DZIP1L: variants seen among roughly 807,000 people sequenced by gnomAD.
DZIP1L encodes the protein cilium assembly protein DZIP1L.
DZIP1L carries 90 observed loss-of-function variants against 88.7 expected under a neutral mutation model. The ratio of observed to expected loss-of-function variants is 1.02; its 90% CI spans 0.86 to 1.21. DZIP1L has a LOEUF of 1.21. Ranked by LOEUF, DZIP1L falls within the 50% of genes most tolerant of loss-of-function variation. DZIP1L has a pLI of 0.00. For synonymous variants in DZIP1L, 363 were observed against 372.1 expected, an observed-to-expected ratio of 0.98 and a Z score of 0.28; for missense variants, 932 against 955.8, an observed-to-expected ratio of 0.98 and a Z score of 0.33.
intron 5 of DZIP1L, among the ~76,000 whole-genome samples, chr3:138,091,232 A>G (rs1369758845): frequency 6.6e-6 from 1 of 152,024 alleles, no homozygotes; most frequent in Non-Finnish European, 1.5e-5. Flanking sequence ...GACCTTTGGA[A>G]ATTATAGAGC....
At chr3:138,089,861 A>T (rs1253452270) in intron 5 of DZIP1L, among the ~76,000 whole-genome samples, 1 of 152,134 alleles carries the variant, frequency 6.6e-6, no homozygotes, top group Non-Finnish European at 1.5e-5. Flanking sequence ...AAAAAAGAGT[A>T]AGATGGGCCA....
intron 8 of DZIP1L, among the ~76,000 whole-genome samples, chr3:138,083,854 C>T (rs1943791857): frequency 6.6e-6 from 1 of 152,212 alleles, no homozygotes; most frequent in Non-Finnish European, 1.5e-5. Flanking sequence ...CAGTGAGGTG[C>T]TGAGCGTTTT....
chr3:138,106,870 G>A lies in DZIP1L; in HGVS notation c.-81-2818C>T, dbSNP rs113716015. 4.8e-3 allele frequency among the ~76,000 whole-genome samples: 125 copies of A among 25,820 alleles called. 1 individual carries two copies. In the South Asian group the frequency reaches 0.064, roughly 13 times the overall value. The allele number at this position is 25,820 out of a possible 152,430, so 16.9% of individuals were successfully genotyped here. A position where few individuals can be genotyped will look rare whatever the true frequency, so the allele number is the denominator to read the frequency against. On this transcript the variant is annotated intron_variant, in intron 1 of 15. Coordinates refer to ENST00000327532, the MANE Select transcript of DZIP1L (RefSeq NM_173543.3). Reference sequence around the variant, plus strand: ...AGGACTAGGTTGGCCAAAAAAAAAAGAGAGAGAGAGAGAGAAAGAGAGAGA... The same window carrying A: ...AGGACTAGGTTGGCCAAAAAAAAAAAAGAGAGAGAGAGAGAAAGAGAGAGA...
intron 3 of DZIP1L, among the ~76,000 whole-genome samples, chr3:138,096,013 T>C (rs367439): frequency 0.63 from 96,500 of 152,066 alleles, 31,318 homozygotes; most frequent in Non-Finnish European, 0.7. Context: ...TATTTAGTGA[T>C]TACTAGATAA....
rs747129503 is a variant in DZIP1L at position 138,068,129 on chromosome 3, G to A, written c.1832+22C>T. On this transcript the variant is annotated intron_variant, in intron 13 of 15. Coordinates refer to ENST00000327532, the MANE Select transcript of DZIP1L (RefSeq NM_173543.3). ...GGAGCCACCACTGCAGGTGGGGTGA[G>A]AGGGCAGAGTCTGGGGCTCACCTCA... is the stretch of plus-strand genomic sequence containing the variant. 10 of 1,464,222 alleles carry A rather than the reference G, an allele frequency of 6.8e-6. No homozygotes were observed. In the African/African-American group the frequency reaches 1.3e-4, roughly 19 times the overall value. 90.7% of individuals were successfully genotyped at this position (1,464,222 alleles called of 1,614,324 possible).
intron 1 of DZIP1L, among the ~76,000 whole-genome samples, chr3:138,109,967 C>A (rs1215454159): frequency 1.3e-5 from 2 of 151,920 alleles, no homozygotes; most frequent in Admixed American, 1.3e-4. Context: ...GATATCCCAG[C>A]TCTCAGGGCT....
chr3:138,102,106 C>T (rs1242896813), intron 2 of DZIP1L: 19 of 1,440,730 alleles, frequency 1.3e-5, no homozygotes, highest in Admixed American at 1.2e-4. Context: ...CTGCAGTTGG[C>T]GATCTCCTTG....
chr3:138,066,490 C>T (rs549994518), intron 14 of DZIP1L, among the ~76,000 whole-genome samples: 11 of 152,286 alleles, frequency 7.2e-5, no homozygotes, highest in African/African-American at 2.4e-4. Flanking sequence ...ACTTCAAAAA[C>T]ATCATACAGA....
intron 3 of DZIP1L, among the ~76,000 whole-genome samples, chr3:138,095,273 T>C (rs1158660620): frequency 1.3e-5 from 2 of 152,144 alleles, no homozygotes; most frequent in African/African-American, 4.8e-5. Flanking sequence ...ATTACTATTG[T>C]ACTGTCACTT....
At chr3:138,066,497 C>G (rs1438098017) in intron 14 of DZIP1L, among the ~76,000 whole-genome samples, 1 of 152,182 alleles carries the variant, frequency 6.6e-6, no homozygotes, top group Non-Finnish European at 1.5e-5. Flanking sequence ...AAACATCATA[C>G]AGAATCTCAA....
chr3:138,099,846 C>T (rs571251665), intron 2 of DZIP1L, among the ~76,000 whole-genome samples: 2 of 152,310 alleles, frequency 1.3e-5, no homozygotes, highest in African/African-American at 4.8e-5. Flanking sequence ...AGTCTTGAAC[C>T]TTCCAGCCAG....
At position 138,103,460 on chromosome 3, in the gene DZIP1L, A is replaced by T; in HGVS notation, c.501+11T>A. Reference sequence around the variant, plus strand: ...CCCTCCCACTCTCCCTGCCTGGTGGAGATTCCTCACCGTGTGGTAGCTGTG... The same window carrying T: ...CCCTCCCACTCTCCCTGCCTGGTGGTGATTCCTCACCGTGTGGTAGCTGTG... On this transcript the variant is annotated intron_variant, in intron 2 of 15. Transcript: ENST00000327532. The T allele has an allele frequency of 1.9e-6, 3 of 1,585,488 alleles. No homozygotes were observed. Among genetic ancestry groups the T allele is most frequent in the Non-Finnish European group, 2.6e-6 (3 of 1,164,106 alleles).
chr3:138,088,691 G>T, intron 5 of DZIP1L, 184 bp from the exon 6 acceptor site: 3 of 1,266,590 alleles, frequency 2.4e-6, no homozygotes, highest in Non-Finnish European at 3.0e-6. Context: ...GGGCTCTCCT[G>T]GGGGCTCAGC....
intron 7 of DZIP1L, among the ~76,000 whole-genome samples, chr3:138,085,590 T>G (rs1428249204): frequency 6.6e-6 from 1 of 152,148 alleles, no homozygotes; most frequent in African/African-American, 2.4e-5. Flanking sequence ...TGGCGATCAT[T>G]AAAAAGTCAG....
chr3:138,077,366 G>T, intron 11 of DZIP1L, 133 bp downstream of exon 11: 1 of 1,377,660 alleles, frequency 7.3e-7, no homozygotes. Context: ...GCAGATGCCA[G>T]AGGAGCCCGG....
chr3:138,073,044 A>T (rs554173350), intron 11 of DZIP1L, among the ~76,000 whole-genome samples: 4 of 152,230 alleles, frequency 2.6e-5, no homozygotes, highest in African/African-American at 9.6e-5. Flanking sequence ...GAGCTCAGAC[A>T]CGTCTATCCC....
chr3:138,092,541 C>A lies in DZIP1L; in HGVS notation c.712G>T (p.Ala238Ser). ...ATTTCCCTCTGATGAATGAGCTCTGCTTCCTAAAAAGAAGAGCAAGAACAA... is the reference window on the plus strand; with the variant it reads ...ATTTCCCTCTGATGAATGAGCTCTGATTCCTAAAAAGAAGAGCAAGAACAA... ...EAERQRQLQE[A>S]ELIHQREIEA... Residue 238 changes from alanine to serine, a missense_variant, in exon 5 of 16, where the codon GCA becomes TCA. Physicochemically the swap from Ala to Ser is moderately conservative, Grantham distance 99. Transcript: ENST00000327532. 6.4e-7 allele frequency: 1 copy of A among 1,565,244 alleles called. No individual in the cohort carries two copies. The highest frequency in any genetic ancestry group is 8.6e-7 in the Non-Finnish European group (1 of 1,164,918).
chr3:138,101,851 T>A, intron 2 of DZIP1L: 1 of 1,339,676 alleles, frequency 7.5e-7, no homozygotes, highest in East Asian at 2.3e-5. Flanking sequence ...CTTGGCCCGC[T>A]GCAGGGCGCC....
chr3:138,081,599 G>T, intron 9 of DZIP1L, 135 bp downstream of exon 9: 2 of 851,118 alleles, frequency 2.3e-6, no homozygotes, highest in Non-Finnish European at 3.6e-6. Context: ...TGGCCCAGAA[G>T]CCTGACACTA....
Sources: gnomAD v4.1 joint callset for allele counts (sites outside exome capture counted in the v4.1 genomes callset) on GRCh38, gnomAD v4.1.1 for gene constraint, MANE v1.5 for transcripts, NCBI Gene and HGNC (gene_info 2026-07-23, HGNC 2026-07-21) for gene names.